RPTOR: variants seen among roughly 807,000 people sequenced by gnomAD.
RPTOR encodes regulatory-associated protein of mTOR.
Under a neutral mutation model 169.9 loss-of-function variants are expected in RPTOR, and 21 were observed. That is an observed-to-expected ratio of 0.12 (90% confidence interval 0.09 to 0.18). RPTOR has a LOEUF of 0.18. Ranked by LOEUF, RPTOR falls within the 10% of genes least tolerant of loss-of-function variation. RPTOR has a pLI of 1.00. For missense variants in RPTOR, 1,133 were observed against 1,855.9 expected, an observed-to-expected ratio of 0.61 and a Z score of 7.16; for synonymous variants, 732 against 753.2, an observed-to-expected ratio of 0.97 and a Z score of 0.46.
At chr17:80,961,532 C>T in intron 31 of RPTOR, 52 bp downstream of exon 31, 2 of 1,517,674 alleles carry the variant, frequency 1.3e-6, no homozygotes. Flanking sequence ...CATTATTTTC[C>T]CCTCCATTTA....
intron 10 of RPTOR, among the ~76,000 whole-genome samples, chr17:80,838,757 G>A (rs976447151): frequency 5.3e-5 from 8 of 152,296 alleles, no homozygotes; most frequent in Non-Finnish European, 8.8e-5. Flanking sequence ...CCCGCCTCCC[G>A]TTGGGGCCAC....
intron 7 of RPTOR, among the ~76,000 whole-genome samples, chr17:80,808,523 C>T (rs1289367561): frequency 1.3e-5 from 2 of 152,210 alleles, no homozygotes; most frequent in African/African-American, 4.8e-5. Flanking sequence ...CCTTTGTTTT[C>T]ACGTTTTCAA....
chr17:80,611,756 G>GTTT (rs71163978), intron 1 of RPTOR, among the ~76,000 whole-genome samples: 115 of 132,260 alleles, frequency 8.7e-4, no homozygotes, highest in African/African-American at 3.5e-3. Flanking sequence ...TTTTATAGCT[G>GTTT]TTTTTTTTTT....
At chr17:80,613,838 G>A (rs1009853544) in intron 1 of RPTOR, among the ~76,000 whole-genome samples, 2 of 151,982 alleles carry the variant, frequency 1.3e-5, no homozygotes, top group Non-Finnish European at 2.9e-5. Context: ...TGAATGAAGC[G>A]GTGTTGAGAC....
At chr17:80,785,644 C>T (rs979070165) in intron 6 of RPTOR, among the ~76,000 whole-genome samples, 26 of 152,304 alleles carry the variant, frequency 1.7e-4, no homozygotes, top group Admixed American at 1.2e-3. Context: ...CAGAGAACTA[C>T]ATTGCTGGAG....
chr17:80,664,250 A>G (rs1166750830), intron 3 of RPTOR, among the ~76,000 whole-genome samples: 1 of 152,160 alleles, frequency 6.6e-6, no homozygotes, highest in Non-Finnish European at 1.5e-5. Context: ...TTCTTTCTTA[A>G]TGATTAAAAA....
At chr17:80,738,238 C>T (rs892040577) in intron 5 of RPTOR, among the ~76,000 whole-genome samples, 4 of 152,350 alleles carry the variant, frequency 2.6e-5, no homozygotes, top group South Asian at 2.1e-4. Flanking sequence ...TGGACACCCT[C>T]GCCTTTGGTT....
rs748712266 is a variant in RPTOR, at chr17:80,965,776, T to A, written c.*1446T>A. ...CAGGGGGCTGAGCTGGAGACTGAGC[T>A]GGGGCTGGCCGGGACGTGACAAGGC... On this transcript the variant is annotated 3_prime_UTR_variant, in exon 34 of 34. Coordinates refer to ENST00000306801, the MANE Select transcript of RPTOR (RefSeq NM_020761.3). The A allele has an allele frequency of 8.6e-6, 2 of 233,342 alleles. No individual in the cohort carries two copies. Among genetic ancestry groups the A allele is most frequent in the Non-Finnish European group, 1.7e-5 (2 of 118,096 alleles). The allele number at this position is 233,342 out of a possible 1,614,324, so 14.5% of individuals were successfully genotyped here.
chr17:80,947,420 C>T lies in RPTOR; in HGVS notation c.3265+69C>T, dbSNP rs2069117048. On this transcript the variant is annotated intron_variant, in intron 27 of 33. Coordinates refer to ENST00000306801, the MANE Select transcript of RPTOR (RefSeq NM_020761.3). The surrounding 1 kb of genome is among the most constrained non-coding windows in gnomAD (Gnocchi z 4.4). ...AGGAGTGGCGGGGAGGGTGTGTGAT[C>T]CTGAGATGTGTTTGTACATCTGTCT... 1.4e-6 allele frequency: 2 copies of T among 1,456,492 alleles called. No individual in the cohort carries two copies. The highest frequency in any genetic ancestry group is 2.7e-5 in the Admixed American group (1 of 37,548). 90.2% of individuals were successfully genotyped at this position (1,456,492 alleles called of 1,614,324 possible).
intron 29 of RPTOR, among the ~76,000 whole-genome samples, chr17:80,958,641 C>T (rs2069291364): frequency 6.6e-6 from 1 of 151,960 alleles, no homozygotes; most frequent in African/African-American, 2.4e-5. Context: ...TCTCTATCTC[C>T]TGACCTCGTG....
intron 3 of RPTOR, among the ~76,000 whole-genome samples, chr17:80,665,630 C>T (rs998674822): frequency 1.3e-5 from 2 of 151,118 alleles, no homozygotes; most frequent in African/African-American, 4.9e-5. Context: ...CTGCAACCTC[C>T]GCCTCCCAGG....
intron 6 of RPTOR, among the ~76,000 whole-genome samples, chr17:80,778,849 G>A (rs367830634): frequency 5.9e-5 from 9 of 152,192 alleles, no homozygotes; most frequent in Admixed American, 5.2e-4. Flanking sequence ...GTAAAATCAC[G>A]AGACCTCAGA....
At chr17:80,629,560 A>G (rs1053313363) in intron 2 of RPTOR, among the ~76,000 whole-genome samples, 24 of 148,814 alleles carry the variant, frequency 1.6e-4, no homozygotes, top group Non-Finnish European at 3.3e-4. Context: ...GTTGTTGGAC[A>G]TTGTACTGCA....
chr17:80,652,908 G>A (rs1449302978), intron 3 of RPTOR, among the ~76,000 whole-genome samples: 2 of 152,280 alleles, frequency 1.3e-5, no homozygotes, highest in South Asian at 2.1e-4. Flanking sequence ...GTCACTTTCT[G>A]TATTCTTACA....
At chr17:80,896,464 C>CTT in intron 20 of RPTOR, among the ~76,000 whole-genome samples, 2 of 119,532 alleles carry the variant, frequency 1.7e-5, no homozygotes, top group East Asian at 5.1e-4. Flanking sequence ...CCCACACGGC[C>CTT]GCACCGACAC....
chr17:80,570,259 T>C (rs566383297), intron 1 of RPTOR, among the ~76,000 whole-genome samples: 4 of 152,072 alleles, frequency 2.6e-5, no homozygotes, highest in Non-Finnish European at 5.9e-5. Flanking sequence ...AAGTGTTTTA[T>C]GTATTGTGTT....
chr17:80,807,491 C>T (rs1231984390), intron 7 of RPTOR, among the ~76,000 whole-genome samples: 2 of 152,132 alleles, frequency 1.3e-5, no homozygotes, highest in Admixed American at 6.5e-5. Flanking sequence ...GCTGGGATTA[C>T]AGGCACACAC....
At chr17:80,655,277 G>C (rs2065670908) in intron 3 of RPTOR, among the ~76,000 whole-genome samples, 1 of 152,108 alleles carries the variant, frequency 6.6e-6, no homozygotes, top group African/African-American at 2.4e-5. Flanking sequence ...GTGGAGACAG[G>C]GTTTCACTAT....
At chr17:80,758,335 T>C (rs890319041) in intron 6 of RPTOR, among the ~76,000 whole-genome samples, 2 of 152,116 alleles carry the variant, frequency 1.3e-5, no homozygotes, top group African/African-American at 4.8e-5. Context: ...GAAGGTTTCG[T>C]CAGGAGTGCG....
Sources: allele counts gnomAD v4.1 joint callset (sites outside exome capture counted in the v4.1 genomes callset), GRCh38; gene constraint gnomAD v4.1.1; non-coding constraint Gnocchi (gnomAD v3.1); transcripts MANE v1.5; gene names NCBI Gene and HGNC (gene_info 2026-07-23, HGNC 2026-07-21).